Variants in B4GALT6 observed in about 807,000 individuals in gnomAD.
B4GALT6 encodes the protein UDP-Gal:beta-GlcNAc beta-1,4-galactosyltransferase 6.
In B4GALT6, 14 loss-of-function variants were observed where a neutral mutation model predicts 46.3. The observed-to-expected ratio is 0.30, with a 90% CI of 0.20 to 0.47. The LOEUF is 0.47. Ranked by LOEUF, B4GALT6 falls within the 20% of genes least tolerant of loss-of-function variation. The probability of loss-of-function intolerance (pLI) is 0.99; values close to 1 mark genes in which losing one functional copy is unlikely to be tolerated. For synonymous variants in B4GALT6, 168 were observed against 162.0 expected (o/e 1.04, Z -0.28); for missense variants, 386 against 480.1 (o/e 0.80, Z 1.83).
intron 4 of B4GALT6, among the ~76,000 whole-genome samples, chr18:31,642,954 A>G (rs543601905): frequency 1.1e-4 from 17 of 152,330 alleles, no homozygotes; most frequent in African/African-American, 4.1e-4. Context: ...AACTAACTGC[A>G]TTGGTATTTT....
At chr18:31,681,090 A>G (rs1384783010) in intron 1 of B4GALT6, among the ~76,000 whole-genome samples, 1 of 135,394 alleles carries the variant, frequency 7.4e-6, no homozygotes, top group African/African-American at 2.8e-5. Flanking sequence ...GAAGAAAATG[A>G]GCCTTAGTCA....
intron 7 of B4GALT6, among the ~76,000 whole-genome samples, chr18:31,626,725 G>A (rs952369154): frequency 3.3e-5 from 5 of 151,962 alleles, no homozygotes; most frequent in African/African-American, 7.3e-5. Flanking sequence ...GTTTCCTCCC[G>A]AAACCATCCT....
At chr18:31,660,806 T>C (rs1379765518) in intron 2 of B4GALT6, among the ~76,000 whole-genome samples, 8 of 152,110 alleles carry the variant, frequency 5.3e-5, no homozygotes, top group African/African-American at 1.9e-4. Flanking sequence ...TCCATACTGA[T>C]AGGACTGCTC....
chr18:31,671,168 C>A (rs2074352096), intron 1 of B4GALT6, among the ~76,000 whole-genome samples: 1 of 152,072 alleles, frequency 6.6e-6, no homozygotes, highest in African/African-American at 2.4e-5. Flanking sequence ...TGGGTTGGTT[C>A]CAAGTCTTTG....
At chr18:31,631,198 A>AACT in intron 5 of B4GALT6, 52 bp from the exon 6 acceptor site, 4 of 1,221,946 alleles carry the variant, frequency 3.3e-6, no homozygotes, top group African/African-American at 2.6e-5. Flanking sequence ...ACACTTCATC[A>AACT]TCTTTTTTTT....
At chr18:31,647,620 C>T (rs924437909) in intron 3 of B4GALT6, among the ~76,000 whole-genome samples, 1 of 152,160 alleles carries the variant, frequency 6.6e-6, no homozygotes, top group Non-Finnish European at 1.5e-5. Context: ...CATCGCTATA[C>T]TGGGGAGTGT....
chr18:31,637,580 AACT>A (rs1415200061), intron 5 of B4GALT6, among the ~76,000 whole-genome samples: 1 of 152,170 alleles, frequency 6.6e-6, no homozygotes, highest in African/African-American at 2.4e-5. Context: ...TAGGTTTACT[AACT>A]GGCTGTCATT....
In B4GALT6 at chr18:31,638,574, G is replaced by A. The variant is rs2073891176; in HGVS notation, c.588+70C>T. 6.5e-6 allele frequency: 8 copies of A among 1,239,326 alleles called. No individual in the cohort carries two copies. In the South Asian group the frequency reaches 7.7e-5, roughly 12 times the overall value. The allele number at this position is 1,239,326 out of a possible 1,614,324, so 76.8% of individuals were successfully genotyped here. On this transcript the variant is annotated intron_variant, in intron 5 of 8. Coordinates refer to ENST00000306851, the MANE Select transcript of B4GALT6 (RefSeq NM_004775.5). Reference sequence around the variant, plus strand: ...GACTTACCTTATTAATCCTAAATATGTTTAATCTAACCATATCTAAGAGTT... The same window carrying A: ...GACTTACCTTATTAATCCTAAATATATTTAATCTAACCATATCTAAGAGTT...
the B4GALT6 span, among the ~76,000 whole-genome samples, chr18:31,700,964 A>G: frequency 6.6e-6 from 1 of 152,218 alleles, no homozygotes; most frequent in Non-Finnish European, 1.5e-5. Context: ...GGAATAATTT[A>G]TATCATGGCA....
the B4GALT6 span, among the ~76,000 whole-genome samples, chr18:31,699,636 G>GAAAA: frequency 3.8e-5 from 4 of 104,122 alleles, no homozygotes; most frequent in East Asian, 5.8e-4. Flanking sequence ...TCTCTTCCTG[G>GAAAA]AAAAAAAAAA....
rs1441935349 is a variant in B4GALT6, at chr18:31,631,026, G to A, written c.709C>T (p.Arg237Trp). Residue 237 changes from arginine to tryptophan, a missense_variant, in exon 6 of 9, where the codon CGG (arginine) becomes TGG (tryptophan). Physicochemically the swap from Arg to Trp is moderately radical, Grantham distance 101. Around this residue, in one of 2 missense-constraint regions of B4GALT6, gnomAD observed 323 missense variants for 438.9 expected, o/e 0.74. Transcript: ENST00000306851. Reference sequence around the variant, plus strand: ...ATTTCTCCACATCCGTAATAGTTCCGGTCATTTTCAGGTAGATGATCCACA... The same window carrying A: ...ATTTCTCCACATCCGTAATAGTTCCAGTCATTTTCAGGTAGATGATCCACA... Reference protein sequence around the residue: ...HDVDHLPENDRNYYGCGEMPR... With the variant: ...HDVDHLPENDWNYYGCGEMPR... 1.8e-5 allele frequency: 29 copies of A among 1,613,878 alleles called. No homozygotes were observed. The highest frequency in any genetic ancestry group is 2.4e-5 in the Non-Finnish European group (28 of 1,180,018).
At chr18:31,656,976 AC>A (rs1264174659) in intron 3 of B4GALT6, among the ~76,000 whole-genome samples, 1 of 152,210 alleles carries the variant, frequency 6.6e-6, no homozygotes, top group Admixed American at 6.5e-5. Context: ...ACAACGAGAA[AC>A]CATTTATCTT....
intron 2 of B4GALT6, among the ~76,000 whole-genome samples, chr18:31,665,555 T>C (rs2074272762): frequency 6.6e-6 from 1 of 151,914 alleles, no homozygotes; most frequent in African/African-American, 2.4e-5. Flanking sequence ...TTGGCTAACA[T>C]GGTGAAACCC....
chr18:31,628,821 T>C (rs902467583), intron 6 of B4GALT6, among the ~76,000 whole-genome samples: 4 of 152,242 alleles, frequency 2.6e-5, no homozygotes, highest in African/African-American at 4.8e-5. Context: ...CTAGTCTAGA[T>C]GGATATGAAT....
intron 3 of B4GALT6, among the ~76,000 whole-genome samples, chr18:31,656,821 T>A (rs921352291): frequency 6.6e-6 from 1 of 152,124 alleles, no homozygotes; most frequent in Admixed American, 6.6e-5. Flanking sequence ...TATAAAGAAT[T>A]TCTACAGATC....
At chr18:31,723,573 C>A in the B4GALT6 span, among the ~76,000 whole-genome samples, 1 of 136,662 alleles carries the variant, frequency 7.3e-6, no homozygotes, top group Non-Finnish European at 1.5e-5. Flanking sequence ...GGATTAAAGG[C>A]CTTCTCTCTC....
intron 3 of B4GALT6, among the ~76,000 whole-genome samples, chr18:31,652,540 T>C (rs1464427277): frequency 1.3e-5 from 2 of 152,120 alleles, no homozygotes; most frequent in Non-Finnish European, 2.9e-5. Context: ...TCTTCCCCTC[T>C]CACTTCCTCT....
the B4GALT6 span, among the ~76,000 whole-genome samples, chr18:31,716,658 G>A: frequency 2.0e-5 from 3 of 152,192 alleles, no homozygotes; most frequent in Non-Finnish European, 4.4e-5. Flanking sequence ...ATGCCTGGGG[G>A]TGGTGGCAGA....
At chr18:31,699,573 C>CAAAA in the B4GALT6 span, among the ~76,000 whole-genome samples, 1 of 150,566 alleles carries the variant, frequency 6.6e-6, no homozygotes, top group African/African-American at 2.4e-5. Flanking sequence ...CACGCCCGGC[C>CAAAA]TAGACAGATA....
Sources: gnomAD v4.1 joint callset for allele counts (sites outside exome capture counted in the v4.1 genomes callset) on GRCh38, gnomAD v4.1.1 for gene constraint, gnomAD v4.1.1 regional missense constraint, MANE v1.5 for transcripts, NCBI Gene and HGNC (gene_info 2026-07-23, HGNC 2026-07-21) for gene names.